GLDC: variants seen among roughly 807,000 people sequenced by gnomAD.
GLDC encodes the protein glycine decarboxylase.
A neutral mutation model predicts 121.3 loss-of-function variants in GLDC; 104 were observed. The ratio of observed to expected loss-of-function variants is 0.86; its 90% CI spans 0.73 to 1.01. The LOEUF is 1.01. GLDC is among the 50% of genes least tolerant of loss of function. The pLI, the probability that GLDC is intolerant of heterozygous loss-of-function variation, is 0.00. For synonymous variants in GLDC, 546 were observed against 480.6 expected (o/e 1.14, Z -1.78); for missense variants, 1,429 against 1,306.6 (o/e 1.09, Z -1.44).
chr9:6,555,264 TGA>T (rs1286163711), intron 18 of GLDC, among the ~76,000 whole-genome samples: 2 of 152,142 alleles, frequency 1.3e-5, no homozygotes, highest in Non-Finnish European at 1.5e-5. Flanking sequence ...GAGGCTGAAC[TGA>T]GAGAGGGAAG....
At chr9:6,631,579 C>T (rs773057179) in intron 2 of GLDC, among the ~76,000 whole-genome samples, 2 of 152,126 alleles carry the variant, frequency 1.3e-5, no homozygotes, top group Non-Finnish European at 2.9e-5. Context: ...TACCAGCTGA[C>T]CTATGTATTC....
At chr9:6,584,386 G>A (rs1408824363) in intron 15 of GLDC, among the ~76,000 whole-genome samples, 1 of 152,120 alleles carries the variant, frequency 6.6e-6, no homozygotes, top group Non-Finnish European at 1.5e-5. Context: ...GTGCATATAG[G>A]TCCCCTAGAT....
chr9:6,607,655 T>TG (rs1036759161), intron 4 of GLDC, among the ~76,000 whole-genome samples: 2 of 151,602 alleles, frequency 1.3e-5, no homozygotes, highest in African/African-American at 4.8e-5. Flanking sequence ...TTATTTTTGG[T>TG]GGGGGGAGAA....
chr9:6,594,803 A>AAAAGAAAGAAAGAAAGAAAG (rs78626191), intron 9 of GLDC, among the ~76,000 whole-genome samples: 77 of 150,024 alleles, frequency 5.1e-4, no homozygotes, highest in South Asian at 2.5e-3. Context: ...AAAAGGAAAT[A>AAAAGAAAGAAAGAAAGAAAG]AAAGAAAGAA....
intron 22 of GLDC, among the ~76,000 whole-genome samples, chr9:6,539,452 C>A (rs1811943): frequency 3.9e-5 from 6 of 152,062 alleles, no homozygotes; most frequent in South Asian, 4.1e-4. Context: ...GCACTCCAGC[C>A]TGGGCGACAA....
intron 2 of GLDC, chr9:6,639,548 A>G (rs936389005): frequency 5.1e-6 from 4 of 782,944 alleles, no homozygotes; most frequent in Non-Finnish European, 6.9e-6. Flanking sequence ...AGAAGAAGGT[A>G]TATGTTCGAC....
chr9:6,621,212 C>T (rs1463604060), intron 2 of GLDC, among the ~76,000 whole-genome samples: 1 of 152,182 alleles, frequency 6.6e-6, no homozygotes, highest in Non-Finnish European at 1.5e-5. Flanking sequence ...TATGCAGTTT[C>T]TACCAGCATT....
At chr9:6,542,995 T>C (rs1817301480) in intron 21 of GLDC, among the ~76,000 whole-genome samples, 1 of 146,274 alleles carries the variant, frequency 6.8e-6, no homozygotes, top group Non-Finnish European at 1.5e-5. Flanking sequence ...AAGGGGAAAA[T>C]CATTAGACTA....
At chr9:6,625,947 G>A (rs1819228700) in intron 2 of GLDC, among the ~76,000 whole-genome samples, 1 of 152,076 alleles carries the variant, frequency 6.6e-6, no homozygotes, top group Non-Finnish European at 1.5e-5. Context: ...AGAAGCCCTG[G>A]AGCTCGGGGC....
chr9:6,561,486 T>A (rs7863696), intron 16 of GLDC, among the ~76,000 whole-genome samples: 53,681 of 151,534 alleles, frequency 0.35, 9,788 homozygotes, highest in Middle Eastern at 0.4. Context: ...CTGTCTCTAA[T>A]AAAAATACAA....
In GLDC at chr9:6,592,963, T is replaced by G; in HGVS notation, c.1289A>C (p.Gln430Pro). 6.2e-7 allele frequency: 1 copy of G among 1,613,890 alleles called. No individual in the cohort carries two copies. The highest frequency in any genetic ancestry group is 1.6e-4 in the Middle Eastern group (1 of 6,062). The change falls in exon 10 of 25, where the codon CAG (glutamine) becomes CCG (proline). Residue 430 changes from glutamine to proline, a missense_variant. Transcript: ENST00000321612. ...CAAGGTATCAAAGAACAGGTCATGC[T>G]GGAGTTGATGCCCTGCTCGCTTGAG... is the stretch of plus-strand genomic sequence containing the variant. ...EGLKRAGHQLQHDLFFDTLKI... is the reference protein window; with the variant it reads ...EGLKRAGHQLPHDLFFDTLKI...
chr9:6,633,569 G>C lies in GLDC; in HGVS notation c.334+11045C>G, dbSNP rs1173596468. Among the ~76,000 whole-genome samples the C allele has an allele frequency of 2.0e-5, 3 of 152,028 alleles. No individual in the cohort carries two copies. The East Asian group carries it at 5.8e-4, about 30-fold the overall frequency. Reference sequence around the variant, plus strand: ...GACATCAACATCACTACCCCATCTAGAAACTGACTGACAGCCTCATCTCCT... The same window carrying C: ...GACATCAACATCACTACCCCATCTACAAACTGACTGACAGCCTCATCTCCT... On this transcript the variant is annotated intron_variant, in intron 2 of 24. Transcript: ENST00000321612.
At position 6,556,146 on chromosome 9, in the gene GLDC, T is replaced by C. The variant is rs1483043937; in HGVS notation, c.2202+7A>G. 3.7e-6 allele frequency: 6 copies of C among 1,610,614 alleles called. No individual in the cohort carries two copies. The East Asian group carries it at 1.1e-4, about 30-fold the overall frequency. On this transcript the variant is annotated splice_region_variant and intron_variant, in intron 18 of 24. Coordinates refer to ENST00000321612, the MANE Select transcript of GLDC (RefSeq NM_000170.3). ...GGGAACTAAGGGCGGGCCTCTTCAG[T>C]TCCCACCTGAGCATTCATATTTGCC...
intron 21 of GLDC, among the ~76,000 whole-genome samples, chr9:6,548,013 C>G (rs1817433839): frequency 6.6e-6 from 1 of 151,786 alleles, no homozygotes; most frequent in Non-Finnish European, 1.5e-5. Flanking sequence ...CGGGTGTATG[C>G]CTGTGTTCCC....
intron 2 of GLDC, among the ~76,000 whole-genome samples, chr9:6,637,805 A>T (rs144885121): frequency 3.0e-4 from 45 of 152,200 alleles, no homozygotes; most frequent in Middle Eastern, 3.4e-3. Flanking sequence ...AATTTTAATA[A>T]GAAAGGAAAA....
intron 2 of GLDC, among the ~76,000 whole-genome samples, chr9:6,627,779 A>G (rs1203281517): frequency 6.6e-6 from 1 of 152,100 alleles, no homozygotes; most frequent in East Asian, 1.9e-4. Flanking sequence ...AAAATCTAAG[A>G]CCTCAGGCTT....
intron 2 of GLDC, among the ~76,000 whole-genome samples, chr9:6,629,958 T>TATATATATATATATGTATA: frequency 1.1e-4 from 9 of 78,654 alleles, no homozygotes; most frequent in African/African-American, 2.4e-4. Flanking sequence ...TATATATATA[T>TATATATATATATATGTATA]TTTTTTTTTT....
intron 20 of GLDC, among the ~76,000 whole-genome samples, chr9:6,553,076 C>G (rs756811588): frequency 3.9e-5 from 6 of 152,092 alleles, no homozygotes; most frequent in Admixed American, 3.9e-4. Context: ...ATCCATATGA[C>G]TCATGGAACT....
intron 24 of GLDC, among the ~76,000 whole-genome samples, chr9:6,533,485 G>T (rs1487649437): frequency 6.6e-6 from 1 of 152,014 alleles, no homozygotes; most frequent in African/African-American, 2.4e-5. Context: ...CTTAAGTTTG[G>T]ATATTTAGCT....
Sources: gnomAD v4.1 joint callset for allele counts (sites outside exome capture counted in the v4.1 genomes callset) on GRCh38, gnomAD v4.1.1 for gene constraint, MANE v1.5 for transcripts, NCBI Gene and HGNC (gene_info 2026-07-23, HGNC 2026-07-21) for gene names.